Variants in SPMAP2L observed in about 807,000 individuals in gnomAD.
The protein encoded by SPMAP2L is sperm microtubule associated protein 2-like.
chr4:56,594,450 T>C, the SPMAP2L span: 1 of 1,605,644 alleles, frequency 6.2e-7, no homozygotes, highest in African/African-American at 1.3e-5. Context: ...TTCTGAGAGC[T>C]TGAGAAGGAT....
At chr4:56,539,715 C>A in the SPMAP2L span, among the ~76,000 whole-genome samples, 2 of 152,192 alleles carry the variant, frequency 1.3e-5, no homozygotes, top group Non-Finnish European at 1.5e-5. Flanking sequence ...AGCCACCGTG[C>A]CTGCCTTAAT....
At chr4:56,574,738 G>A in the SPMAP2L span, among the ~76,000 whole-genome samples, 2 of 151,182 alleles carry the variant, frequency 1.3e-5, no homozygotes, top group African/African-American at 4.9e-5. Context: ...CTAGCACTTT[G>A]GGAGGCTGAG....
At chr4:56,603,344 C>A in the SPMAP2L span, 1 of 1,503,774 alleles carries the variant, frequency 6.6e-7, no homozygotes, top group Non-Finnish European at 8.9e-7. Context: ...CCACAACAGT[C>A]AGACCCTGGT....
the SPMAP2L span, among the ~76,000 whole-genome samples, chr4:56,602,239 C>T: frequency 6.6e-6 from 1 of 152,082 alleles, no homozygotes; most frequent in African/African-American, 2.4e-5. Context: ...GCATCAATAG[C>T]AAAACCTAGG....
the SPMAP2L span, chr4:56,531,284 G>A: frequency 7.5e-7 from 1 of 1,334,336 alleles, no homozygotes; most frequent in East Asian, 2.5e-5. Flanking sequence ...AGGTTTGCAT[G>A]CAAGAGCTTG....
chr4:56,534,537 C>T, the SPMAP2L span, among the ~76,000 whole-genome samples: 1 of 152,204 alleles, frequency 6.6e-6, no homozygotes, highest in Non-Finnish European at 1.5e-5. Context: ...CTGGTAACTT[C>T]CCAAATTATC....
the SPMAP2L span, chr4:56,594,116 A>C: frequency 8.1e-6 from 13 of 1,608,326 alleles, no homozygotes; most frequent in Admixed American, 2.0e-4. Context: ...TTTGTTGCGG[A>C]TCTTTGTTTG....
At chr4:56,578,666 C>G in the SPMAP2L span, among the ~76,000 whole-genome samples, 1 of 152,046 alleles carries the variant, frequency 6.6e-6, no homozygotes, top group East Asian at 1.9e-4. Context: ...ATATACCATG[C>G]ACGCCAACCA....
chr4:56,567,765 C>A, the SPMAP2L span, among the ~76,000 whole-genome samples: 2 of 152,072 alleles, frequency 1.3e-5, no homozygotes, highest in African/African-American at 4.8e-5. Context: ...TGTTATTTTG[C>A]TTTAATGATT....
the SPMAP2L span, among the ~76,000 whole-genome samples, chr4:56,597,084 G>A: frequency 6.6e-6 from 1 of 152,306 alleles, no homozygotes; most frequent in East Asian, 1.9e-4. Flanking sequence ...GGGCAGGGTG[G>A]TAAGATACTT....
chr4:56,530,642 G>A, the SPMAP2L span: 1 of 1,522,844 alleles, frequency 6.6e-7, no homozygotes, highest in Admixed American at 2.0e-5. Context: ...AGTCGGGAGG[G>A]TGAGTCCCGC....
the SPMAP2L span, among the ~76,000 whole-genome samples, chr4:56,553,718 C>G: frequency 6.6e-6 from 1 of 150,958 alleles, no homozygotes; most frequent in Non-Finnish European, 1.5e-5. Context: ...TTAAGGTTCA[C>G]TTTTTGTGTT....
the SPMAP2L span, among the ~76,000 whole-genome samples, chr4:56,617,732 A>G: frequency 6.6e-6 from 1 of 152,146 alleles, no homozygotes; most frequent in Non-Finnish European, 1.5e-5. Context: ...GGATTTTTGT[A>G]TCCCAGGGTT....
the SPMAP2L span, among the ~76,000 whole-genome samples, chr4:56,567,832 T>C: frequency 1.3e-5 from 2 of 152,186 alleles, no homozygotes; most frequent in African/African-American, 4.8e-5. Context: ...AATGTTTTTT[T>C]CATAATGTTT....
the SPMAP2L span, among the ~76,000 whole-genome samples, chr4:56,617,155 G>C: frequency 6.6e-6 from 1 of 152,152 alleles, no homozygotes; most frequent in African/African-American, 2.4e-5. Context: ...CGCAAACCTA[G>C]GTGGTACAGC....
chr4:56,607,254 C>A, the SPMAP2L span, among the ~76,000 whole-genome samples: 1 of 152,138 alleles, frequency 6.6e-6, no homozygotes, highest in Non-Finnish European at 1.5e-5. Context: ...GGAGTGAGTT[C>A]ATCCCTTTTC....
the SPMAP2L span, among the ~76,000 whole-genome samples, chr4:56,624,443 C>A: frequency 6.6e-6 from 1 of 152,210 alleles, no homozygotes; most frequent in Non-Finnish European, 1.5e-5. Flanking sequence ...TAATGTTAAT[C>A]CCCAAGACCA....
chr4:56,597,343 C>G, the SPMAP2L span, among the ~76,000 whole-genome samples: 1 of 152,168 alleles, frequency 6.6e-6, no homozygotes, highest in Non-Finnish European at 1.5e-5. Flanking sequence ...TCATGGCACT[C>G]AGCACAGAGC....
chr4:56,596,019 T>G, the SPMAP2L span, among the ~76,000 whole-genome samples: 8 of 152,224 alleles, frequency 5.3e-5, no homozygotes, highest in African/African-American at 1.9e-4. Context: ...GTGGCAAGTT[T>G]GCAGACTTTA....
Sources: gnomAD v4.1 joint callset for allele counts (sites outside exome capture counted in the v4.1 genomes callset) on GRCh38, gnomAD v4.1.1 for gene constraint, MANE v1.5 for transcripts, NCBI Gene and HGNC (gene_info 2026-07-23, HGNC 2026-07-21) for gene names.